The following ZSCAN5A variants were observed in gnomAD, a reference collection of about 807,000 sequenced individuals.
The protein encoded by ZSCAN5A is zinc finger and SCAN domain-containing protein 5A.
Under a neutral mutation model 23.7 loss-of-function variants are expected in ZSCAN5A, and 12 were observed. That is an observed-to-expected ratio of 0.51 (90% CI 0.32 to 0.82). ZSCAN5A has a LOEUF of 0.82. Among genes scored for constraint, ZSCAN5A ranks in the 40% least tolerant of loss-of-function variants. The probability of loss-of-function intolerance (pLI) is 0.03; values close to 1 mark genes in which losing one functional copy is unlikely to be tolerated. For missense variants in ZSCAN5A, 597 were observed against 617.9 expected, an observed-to-expected ratio of 0.97 and a Z score of 0.36; for synonymous variants, 257 against 239.9, an observed-to-expected ratio of 1.07 and a Z score of -0.66.
chr19:56,362,545 A>G (rs1291657147), intron 2 of ZSCAN5A, among the ~76,000 whole-genome samples: 1 of 151,936 alleles, frequency 6.6e-6, no homozygotes, highest in African/African-American at 2.4e-5. Context: ...CAACAGAGTG[A>G]GGCTCCATCT....
intron 2 of ZSCAN5A, among the ~76,000 whole-genome samples, chr19:56,344,313 G>A (rs926981062): frequency 6.6e-6 from 1 of 152,240 alleles, no homozygotes; most frequent in African/African-American, 2.4e-5. Flanking sequence ...CTAAATTCAA[G>A]ATAGAGCTAT....
chr19:56,361,531 AG>A (rs2041733413), intron 2 of ZSCAN5A, among the ~76,000 whole-genome samples: 1 of 152,236 alleles, frequency 6.6e-6, no homozygotes, highest in Non-Finnish European at 1.5e-5. Flanking sequence ...AGCCATAAAA[AG>A]GAACAAGATC....
intron 2 of ZSCAN5A, among the ~76,000 whole-genome samples, chr19:56,258,072 G>A (rs1290644371): frequency 6.7e-6 from 1 of 148,642 alleles, no homozygotes; most frequent in East Asian, 2.0e-4. Flanking sequence ...GGGAGACTCT[G>A]CAAGCCTTTC....
chr19:56,238,775 T>C (rs1276213629), intron 2 of ZSCAN5A, among the ~76,000 whole-genome samples: 1 of 149,750 alleles, frequency 6.7e-6, no homozygotes, highest in Non-Finnish European at 1.5e-5. Flanking sequence ...GAATTCACAT[T>C]GTGAAAATGA....
chr19:56,336,998 G>A (rs2041544390), intron 2 of ZSCAN5A, among the ~76,000 whole-genome samples: 1 of 152,166 alleles, frequency 6.6e-6, no homozygotes, highest in Non-Finnish European at 1.5e-5. Context: ...CCCCTACTGG[G>A]GGGTGCCTCC....
intron 2 of ZSCAN5A, among the ~76,000 whole-genome samples, chr19:56,241,953 A>C (rs1600065207): frequency 1.3e-5 from 2 of 152,180 alleles, no homozygotes; most frequent in East Asian, 3.9e-4. Context: ...GGATGTGAGG[A>C]GCACCCGATA....
At chr19:56,261,682 AG>A (rs1026068106) in intron 2 of ZSCAN5A, among the ~76,000 whole-genome samples, 51 of 152,268 alleles carry the variant, frequency 3.3e-4, no homozygotes, top group African/African-American at 1.2e-3. Flanking sequence ...GGGGAGAAAA[AG>A]GGGAGAAAAA....
intron 2 of ZSCAN5A, among the ~76,000 whole-genome samples, chr19:56,250,185 G>T (rs2036240796): frequency 6.6e-6 from 1 of 152,186 alleles, no homozygotes; most frequent in South Asian, 2.1e-4. Flanking sequence ...TGCTCCTAAG[G>T]ATAAGATAGC....
At chr19:56,262,032 T>G (rs946698611) in intron 2 of ZSCAN5A, among the ~76,000 whole-genome samples, 2 of 151,990 alleles carry the variant, frequency 1.3e-5, no homozygotes, top group African/African-American at 2.4e-5. Context: ...TTTTCTAACT[T>G]TTTTTTTGAG....
At position 56,346,473 on chromosome 19, in the gene ZSCAN5A, G is replaced by A. The variant is rs191766803; in HGVS notation, c.-358+16762C>T. On this transcript the variant is annotated intron_variant, in intron 2 of 6. Coordinates refer to the ZSCAN5A transcript ENST00000587340. The stretch of plus-strand genomic sequence containing the variant: ...AGGCAAGCTCAAACTCCATAAAGGA[G>A]TTGCCTGAAGGAAAACCTGGCCTTT... 3.3e-5 allele frequency among the ~76,000 whole-genome samples: 5 copies of A among 151,294 alleles called. No individual in the cohort carries two copies. In the East Asian group the frequency reaches 9.8e-4, roughly 30 times the overall value.
At chr19:56,317,373 G>T (rs997697428), upstream of ZSCAN5A, 1 of 152,276 alleles carries the variant, frequency 6.6e-6, no homozygotes, top group African/African-American at 2.4e-5. Context: ...CATCAGGCAG[G>T]TTCCTTGCCA....
chr19:56,237,949 A>G (rs992823942), intron 2 of ZSCAN5A, among the ~76,000 whole-genome samples: 2 of 151,176 alleles, frequency 1.3e-5, no homozygotes, highest in African/African-American at 2.5e-5. Context: ...ATGATAGATC[A>G]TAAGTGTTTC....
chr19:56,293,638 C>T (rs1412034372), intron 2 of ZSCAN5A, among the ~76,000 whole-genome samples: 1 of 152,206 alleles, frequency 6.6e-6, no homozygotes, highest in Non-Finnish European at 1.5e-5. Context: ...TAGTTCCAGC[C>T]TCATATGGTT....
intron 2 of ZSCAN5A, chr19:56,246,922 G>T (rs2035953358): frequency 1.9e-6 from 3 of 1,602,040 alleles, no homozygotes; most frequent in African/African-American, 1.3e-5. Flanking sequence ...TTCCCAAGAA[G>T]GGCCTCAAGG....
chr19:56,288,069 C>T (rs770105521), intron 2 of ZSCAN5A, among the ~76,000 whole-genome samples: 3 of 152,142 alleles, frequency 2.0e-5, no homozygotes, highest in Non-Finnish European at 4.4e-5. Flanking sequence ...CTGATGGTCA[C>T]GAGGCTGGTG....
chr19:56,297,240 G>A (rs113977347), intron 2 of ZSCAN5A, among the ~76,000 whole-genome samples: 203 of 152,190 alleles, frequency 1.3e-3, no homozygotes, highest in African/African-American at 4.6e-3. Context: ...GGGACACAGG[G>A]AGACTAACTT....
intron 2 of ZSCAN5A, among the ~76,000 whole-genome samples, chr19:56,278,508 T>C (rs1395882343): frequency 6.6e-6 from 1 of 152,224 alleles, no homozygotes; most frequent in Admixed American, 6.5e-5. Flanking sequence ...GGGAAGATCA[T>C]GCAGACCCGT....
chr19:56,303,981 G>A (rs989217233), intron 2 of ZSCAN5A, among the ~76,000 whole-genome samples: 1 of 152,174 alleles, frequency 6.6e-6, no homozygotes, highest in Non-Finnish European at 1.5e-5. Flanking sequence ...AGAGGGGCAG[G>A]GGGGTCCAGG....
At chr19:56,319,294 G>A (rs549458134), upstream of ZSCAN5A, among the ~76,000 whole-genome samples, 1 of 151,918 alleles carries the variant, frequency 6.6e-6, no homozygotes, top group Admixed American at 6.6e-5. Context: ...TCAGGAGTTT[G>A]AGACCAGCCT....
Sources: allele counts gnomAD v4.1 joint callset (sites outside exome capture counted in the v4.1 genomes callset), GRCh38; gene constraint gnomAD v4.1.1; transcripts MANE v1.5; gene names NCBI Gene and HGNC (gene_info 2026-07-23, HGNC 2026-07-21).